ZFP42: variants seen among roughly 807,000 people sequenced by gnomAD.
ZFP42 encodes the protein zinc finger protein 42 homolog.
For missense variants in ZFP42, 438 were observed against 377.1 expected (o/e 1.16, Z -1.34); for synonymous variants, 175 against 144.6 (o/e 1.21, Z -1.51).
chr4:187,997,432 T>TTGGCCAGGA (rs1428279411), intron 1 of ZFP42, among the ~76,000 whole-genome samples: 4 of 151,436 alleles, frequency 2.6e-5, no homozygotes, highest in African/African-American at 9.7e-5. Context: ...TTTCACCATG[T>TTGGCCAGGA]TGGCCAGGAT....
At chr4:187,997,021 ATGGAGCATGGAGCG>A (rs796890422) in intron 1 of ZFP42, among the ~76,000 whole-genome samples, 333 of 55,308 alleles carry the variant, frequency 6.0e-3, no homozygotes, top group South Asian at 0.028. Context: ...AGCGTGGAGC[ATGGAGCATGGAGCG>A]TGGAGCATGG....
intron 3 of ZFP42, among the ~76,000 whole-genome samples, chr4:188,002,253 C>A (rs1733853713): frequency 2.0e-5 from 3 of 152,232 alleles, no homozygotes; most frequent in Non-Finnish European, 4.4e-5. Context: ...CTGCCACTTA[C>A]CACCCTAGTG....
Position 188,003,400 on chromosome 4 carries a change from A to G in ZFP42, c.593A>G (p.Lys198Arg), listed in dbSNP as rs115206796. The G allele has an allele frequency of 6.5e-4, 1,046 of 1,614,132 alleles. 11 individuals carry two copies. In the African/African-American group the frequency reaches 0.013, roughly 19 times the overall value. The stretch of plus-strand genomic sequence containing the variant: ...TGTCCTCAGAGTGGATGCACTAGGA[A>G]GTTGAGGAATAGAGCTGCCCTGAGA... ...IACPQSGCTRKLRNRAALRKH... is the reference protein window; with the variant it reads ...IACPQSGCTRRLRNRAALRKH... The change falls in exon 4 of 4, where the codon AAG becomes AGG. Residue 198 changes from lysine (K) to arginine (R), a missense_variant. Lys to Arg is a conservative substitution (Grantham distance 26). Coordinates refer to ENST00000326866, the MANE Select transcript of ZFP42 (RefSeq NM_174900.5).
At chr4:187,998,240 G>T (rs533416992) in intron 1 of ZFP42, among the ~76,000 whole-genome samples, 5 of 152,232 alleles carry the variant, frequency 3.3e-5, no homozygotes, top group African/African-American at 1.2e-4. Flanking sequence ...GGAGGCTGAC[G>T]CGGGAGAATC....
In ZFP42 at chr4:188,003,113, A is replaced by T; in HGVS notation, c.306A>T (p.Ser102=). The part of the protein sequence containing the change: ...FESLEYLKKG[S]EQQLSQKVFE... The stretch of plus-strand genomic sequence containing the variant: ...CCTTGGAATACCTAAAGAAAGGATC[A>T]GAACAACAGCTTTCTCAAAAGGTTT... The change falls in exon 4 of 4, where the codon TCA becomes TCT. Residue 102 remains serine, a synonymous_variant. Transcript: ENST00000326866. 6.2e-7 allele frequency: 1 copy of T among 1,614,204 alleles called. No individual in the cohort carries two copies. Among genetic ancestry groups the T allele is most frequent in the Non-Finnish European group, 8.5e-7 (1 of 1,180,042 alleles).
intron 1 of ZFP42, among the ~76,000 whole-genome samples, chr4:187,996,957 G>A (rs1733597863): frequency 6.6e-6 from 1 of 151,206 alleles, no homozygotes; most frequent in Admixed American, 6.6e-5. Flanking sequence ...CCTCGCCCCA[G>A]CCCCCACCTT....
chr4:188,004,363 A>T lies in ZFP42; in HGVS notation c.*623A>T, dbSNP rs1229886401. 8.5e-5 allele frequency: 13 copies of T among 152,418 alleles called. No individual in the cohort carries two copies. In the East Asian group the frequency reaches 2.3e-3, roughly 27 times the overall value. 9.4% of individuals were successfully genotyped at this position (152,418 alleles called of 1,614,324 possible). On this transcript the variant is annotated 3_prime_UTR_variant, in exon 4 of 4. Transcript: ENST00000326866. ...TGGTAGGCGTCTCGCTCTGTCACCC[A>T]GGCTGGAGTCTAGTGTCGTGATCTT...
In ZFP42 at chr4:188,001,960, C is replaced by T. The variant is rs544786556; in HGVS notation, c.-95-753C>T. 9.2e-5 allele frequency among the ~76,000 whole-genome samples: 14 copies of T among 152,278 alleles called. No homozygotes were observed. In the South Asian group the frequency reaches 2.3e-3, roughly 25 times the overall value. Reference sequence around the variant, plus strand: ...TTGGGAGGCCGAGGCAGGCGGATCACGAAGTCGGGAGCTCCAGACCAGCCT... The same window carrying T: ...TTGGGAGGCCGAGGCAGGCGGATCATGAAGTCGGGAGCTCCAGACCAGCCT... On this transcript the variant is annotated intron_variant, in intron 3 of 3. Coordinates refer to ENST00000326866, the MANE Select transcript of ZFP42 (RefSeq NM_174900.5).
Position 188,003,628 on chromosome 4 carries a change from G to A in ZFP42, c.821G>A (p.Arg274His). The A allele has an allele frequency of 6.2e-7, 1 of 1,613,468 alleles. No homozygotes were observed. The highest frequency in any genetic ancestry group is 8.5e-7 in the Non-Finnish European group (1 of 1,180,026). ...THVRIHTGEKRFVCPFQGCNR... is the reference protein window; with the variant it reads ...THVRIHTGEKHFVCPFQGCNR... Reference sequence around the variant, plus strand: ...GTGCGCATCCACACGGGGGAGAAACGTTTCGTGTGTCCCTTTCAAGGCTGC... The same window carrying A: ...GTGCGCATCCACACGGGGGAGAAACATTTCGTGTGTCCCTTTCAAGGCTGC... The change falls in exon 4 of 4, where the codon CGT (arginine) becomes CAT (histidine). Residue 274 changes from arginine to histidine, a missense_variant. Arg to His is a conservative substitution (Grantham distance 29). Transcript: ENST00000326866.
chr4:188,002,725 G>C lies in ZFP42; in HGVS notation c.-83G>C, dbSNP rs1733876664. 2 of 1,166,092 alleles carry C rather than the reference G, an allele frequency of 1.7e-6. No individual in the cohort carries two copies. Among genetic ancestry groups the C allele is most frequent in the Non-Finnish European group, 2.5e-6 (2 of 810,246 alleles). The allele number at this position is 1,166,092 out of a possible 1,614,324, so 72.2% of individuals were successfully genotyped here. A position where few individuals can be genotyped will look rare whatever the true frequency, so the allele number is the denominator to read the frequency against. ...TATCATAAAGCAGGTGTTTGCTGAA[G>C]ACAGCTTACTCAGATCACTACTGCC... On this transcript the variant is annotated 5_prime_UTR_variant, in exon 4 of 4. Transcript: ENST00000326866.
chr4:187,996,042 T>A (rs1733548497), intron 1 of ZFP42, among the ~76,000 whole-genome samples: 1 of 152,190 alleles, frequency 6.6e-6, no homozygotes, highest in Admixed American at 6.5e-5. Flanking sequence ...TGGCCTCAAA[T>A]GTTGAAAACG....
At chr4:188,002,622 T>C (rs974028812) in intron 3 of ZFP42, 91 bp from the exon 4 acceptor site, 1 of 602,816 alleles carries the variant, frequency 1.7e-6, no homozygotes, top group Non-Finnish European at 3.0e-6. Flanking sequence ...AGAAGACAAA[T>C]GTATTATTGG....
rs1198167119 is a variant in ZFP42, at chr4:188,002,695, G to T, written c.-95-18G>T. The T allele has an allele frequency of 4.7e-6, 4 of 855,136 alleles. No homozygotes were observed. The highest frequency in any genetic ancestry group is 7.5e-6 in the Non-Finnish European group (4 of 535,640). 53.0% of individuals were successfully genotyped at this position (855,136 alleles called of 1,614,324 possible). ...ATACTGGAATCTATTTTAACTAAAGGTTATTATCATAAAGCAGGTGTTTGC... is the reference window on the plus strand; with the variant it reads ...ATACTGGAATCTATTTTAACTAAAGTTTATTATCATAAAGCAGGTGTTTGC... On this transcript the variant is annotated intron_variant, in intron 3 of 3. Coordinates refer to ENST00000326866, the MANE Select transcript of ZFP42 (RefSeq NM_174900.5).
rs748956140 is a variant in ZFP42, at chr4:188,003,613, A to G, written c.806A>G (p.His269Arg). 2 of 1,613,376 alleles carry G rather than the reference A, an allele frequency of 1.2e-6. No individual in the cohort carries two copies. Among genetic ancestry groups the G allele is most frequent in the Non-Finnish European group, 1.7e-6 (2 of 1,180,038 alleles). The part of the protein sequence containing the change: ...DFNLRTHVRI[H>R]TGEKRFVCPF... ...AATTTGCGTACGCACGTGCGCATCC[A>G]CACGGGGGAGAAACGTTTCGTGTGT... is the stretch of plus-strand genomic sequence containing the variant. The change falls in exon 4 of 4, where the codon CAC becomes CGC. Residue 269 changes from histidine to arginine, a missense_variant. By Grantham distance (29) the His-to-Arg change is conservative. Coordinates refer to ENST00000326866, the MANE Select transcript of ZFP42 (RefSeq NM_174900.5).
At position 188,003,726 on chromosome 4, in the gene ZFP42, C is replaced by G. The variant is rs745416583; in HGVS notation, c.919C>G (p.Gln307Glu). 1 of 1,609,748 alleles carries G rather than the reference C, an allele frequency of 6.2e-7. No homozygotes were observed. The highest frequency in any genetic ancestry group is 1.1e-5 in the South Asian group (1 of 90,938). ...LTHANTNKNEQEGK is the reference protein window; with the variant it reads ...LTHANTNKNEEEGK ...GCATGCAAATACGAACAAGAATGAACAAGAGGGAAAGTAGTCCTCCAACAG... is the reference window on the plus strand; with the variant it reads ...GCATGCAAATACGAACAAGAATGAAGAAGAGGGAAAGTAGTCCTCCAACAG... The change falls in exon 4 of 4, where the codon CAA becomes GAA. Residue 307 changes from glutamine (Q) to glutamate (E), a missense_variant. Coordinates refer to ENST00000326866, the MANE Select transcript of ZFP42 (RefSeq NM_174900.5).
At chr4:187,997,831 A>T (rs1733660312) in intron 1 of ZFP42, among the ~76,000 whole-genome samples, 1 of 152,196 alleles carries the variant, frequency 6.6e-6, no homozygotes, top group Admixed American at 6.5e-5. Context: ...CCCATGGCCT[A>T]GTGACATCTT....
intron 1 of ZFP42, among the ~76,000 whole-genome samples, 163 bp downstream of exon 1, chr4:187,996,003 T>A (rs1733547693): frequency 6.6e-6 from 1 of 152,176 alleles, no homozygotes; most frequent in Admixed American, 6.5e-5. Flanking sequence ...CTTGTAGCCC[T>A]CGCCCTGCGG....
chr4:187,996,907 G>A (rs1299411826), intron 1 of ZFP42, among the ~76,000 whole-genome samples: 8 of 152,128 alleles, frequency 5.3e-5, no homozygotes, highest in Admixed American at 5.2e-4. Flanking sequence ...GGGATGAAAT[G>A]CAAATGGTCC....
chr4:187,999,536 A>C (rs943454227), intron 2 of ZFP42, 73 bp from the exon 3 acceptor site: 2 of 152,210 alleles, frequency 1.3e-5, no homozygotes, highest in Non-Finnish European at 2.9e-5. Context: ...CTAGTAAAGT[A>C]ATTATATAGG....
Sources: gnomAD v4.1 joint callset for allele counts (sites outside exome capture counted in the v4.1 genomes callset) on GRCh38, gnomAD v4.1.1 for gene constraint, MANE v1.5 for transcripts, NCBI Gene and HGNC (gene_info 2026-07-23, HGNC 2026-07-21) for gene names.